The following DAB1 variants were observed in gnomAD, a reference collection of about 807,000 sequenced individuals.
The protein encoded by DAB1 is disabled homolog 1.
A neutral mutation model predicts 64.6 loss-of-function variants in DAB1; 15 were observed. The ratio of observed to expected loss-of-function variants is 0.23; its 90% confidence interval spans 0.16 to 0.36. The LOEUF (loss-of-function observed/expected upper bound fraction) is 0.36. DAB1 is among the 10% of genes least tolerant of loss of function. The pLI, the probability that DAB1 is intolerant of heterozygous loss-of-function variation, is 1.00. For missense variants in DAB1, 596 were observed against 706.7 expected, an observed-to-expected ratio of 0.84 and a Z score of 1.78; for synonymous variants, 235 against 251.9, an observed-to-expected ratio of 0.93 and a Z score of 0.64.
At chr1:57,372,319 G>A (rs188226772) in intron 1 of DAB1, among the ~76,000 whole-genome samples, 4 of 152,252 alleles carry the variant, frequency 2.6e-5, no homozygotes, top group South Asian at 2.1e-4. Flanking sequence ...TGTGGGGCCC[G>A]CTATTTAAGA....
At chr1:57,506,901 T>C (rs752696253) in intron 7 of DAB1, among the ~76,000 whole-genome samples, 2 of 152,202 alleles carry the variant, frequency 1.3e-5, no homozygotes, top group Non-Finnish European at 2.9e-5. Context: ...GAACCCACCA[T>C]TCCCTCTCCT....
chr1:58,534,288 G>T (rs1569968682), intron 1 of DAB1: 1 of 867,288 alleles, frequency 1.2e-6, no homozygotes, highest in Admixed American at 1.7e-5. Context: ...CAGGTATCGG[G>T]CATCTTTCTC....
At chr1:57,457,091 C>T (rs942075394) in intron 7 of DAB1, among the ~76,000 whole-genome samples, 4 of 152,100 alleles carry the variant, frequency 2.6e-5, no homozygotes, top group Admixed American at 6.6e-5. Flanking sequence ...AGATGATAGA[C>T]AAAGAAACGA....
At chr1:57,753,223 T>C (rs1648637203) in intron 6 of DAB1, among the ~76,000 whole-genome samples, 1 of 152,300 alleles carries the variant, frequency 6.6e-6, no homozygotes, top group Admixed American at 6.5e-5. Context: ...CCCACAACTT[T>C]ATACAAATGT....
At chr1:58,491,844 T>C (rs138524913) in intron 3 of DAB1, among the ~76,000 whole-genome samples, 48 of 152,256 alleles carry the variant, frequency 3.2e-4, no homozygotes, top group African/African-American at 9.4e-4. Context: ...CTGTTAACAT[T>C]AGACAGATCA....
chr1:57,596,167 G>T (rs1241190755), intron 7 of DAB1, among the ~76,000 whole-genome samples: 2 of 152,130 alleles, frequency 1.3e-5, no homozygotes, highest in South Asian at 2.1e-4. Context: ...AACTCCAAGG[G>T]ACACCATTCG....
chr1:58,013,651 C>G (rs556814155), intron 5 of DAB1, among the ~76,000 whole-genome samples: 1 of 152,284 alleles, frequency 6.6e-6, no homozygotes, highest in East Asian at 1.9e-4. Context: ...CCCCTCAGAG[C>G]TGCTCCTACC....
intron 5 of DAB1, among the ~76,000 whole-genome samples, chr1:57,944,412 C>T (rs1645153782): frequency 6.6e-6 from 1 of 152,198 alleles, no homozygotes; most frequent in Admixed American, 6.5e-5. Context: ...CGTTACTGCA[C>T]TATCCACAGG....
At chr1:57,888,649 G>A (rs1031712360), upstream of DAB1, among the ~76,000 whole-genome samples, 3 of 152,118 alleles carry the variant, frequency 2.0e-5, no homozygotes, top group Non-Finnish European at 1.5e-5. Context: ...TATAAAATCA[G>A]TGCTCAAAAG....
intron 1 of DAB1, chr1:58,533,952 C>T: frequency 1.1e-6 from 1 of 871,980 alleles, no homozygotes; most frequent in Non-Finnish European, 2.0e-6. Flanking sequence ...TAGGTACTTA[C>T]AGCATGCCCA....
At chr1:57,134,961 T>A (rs944137568) in intron 4 of DAB1, among the ~76,000 whole-genome samples, 2 of 152,206 alleles carry the variant, frequency 1.3e-5, no homozygotes, top group Non-Finnish European at 2.9e-5. Flanking sequence ...TTTGATAAAG[T>A]AGCTATTGTT....
At chr1:58,015,358 C>T (rs1283969931) in intron 5 of DAB1, among the ~76,000 whole-genome samples, 1 of 152,158 alleles carries the variant, frequency 6.6e-6, no homozygotes, top group Non-Finnish European at 1.5e-5. Flanking sequence ...TTTCCCATCT[C>T]CTCTTTCCAT....
intron 4 of DAB1, among the ~76,000 whole-genome samples, chr1:58,190,131 C>T (rs1006169821): frequency 1.3e-5 from 2 of 152,146 alleles, no homozygotes; most frequent in African/African-American, 2.4e-5. Context: ...CTGATGATTT[C>T]CAGGTACCTT....
intron 6 of DAB1, among the ~76,000 whole-genome samples, chr1:57,693,397 T>C (rs937779585): frequency 6.6e-6 from 1 of 152,084 alleles, no homozygotes; most frequent in African/African-American, 2.4e-5. Context: ...AGCTAAAGGA[T>C]TGTAAATGCA....
chr1:57,747,934 T>A (rs1648365675), intron 6 of DAB1, among the ~76,000 whole-genome samples: 1 of 151,932 alleles, frequency 6.6e-6, no homozygotes, highest in African/African-American at 2.4e-5. Flanking sequence ...GCAGGAAGTT[T>A]AAAGACTTGG....
At chr1:58,316,004 CA>C (rs1211574119) in intron 4 of DAB1, among the ~76,000 whole-genome samples, 1 of 152,162 alleles carries the variant, frequency 6.6e-6, no homozygotes, top group Non-Finnish European at 1.5e-5. Flanking sequence ...AGTTTGGAAT[CA>C]AAAAGACTGT....
At chr1:57,889,899 C>CGG (rs68120488) in intron 5 of DAB1, among the ~76,000 whole-genome samples, 39 of 74,316 alleles carry the variant, frequency 5.2e-4, no homozygotes, top group Admixed American at 3.8e-3. Context: ...CAAACTGGGG[C>CGG]GGGGGGGGGG....
intron 5 of DAB1, among the ~76,000 whole-genome samples, chr1:58,080,574 A>T (rs1418940192): frequency 6.6e-6 from 1 of 152,240 alleles, no homozygotes; most frequent in African/African-American, 2.4e-5. Context: ...AAGAATATTC[A>T]AGGAGTAAAT....
intron 5 of DAB1, among the ~76,000 whole-genome samples, chr1:57,936,796 CTT>C (rs964870953): frequency 2.0e-5 from 3 of 152,130 alleles, no homozygotes; most frequent in African/African-American, 7.2e-5. Flanking sequence ...TCCAATCACT[CTT>C]ATAATTAAAT....
Sources: allele counts gnomAD v4.1 joint callset (sites outside exome capture counted in the v4.1 genomes callset), GRCh38; gene constraint gnomAD v4.1.1; transcripts MANE v1.5; gene names NCBI Gene and HGNC (gene_info 2026-07-23, HGNC 2026-07-21).